The following KCNMA1 variants were observed in gnomAD, a reference collection of about 807,000 sequenced individuals.
The protein encoded by KCNMA1 is potassium calcium-activated channel subfamily M alpha 1, also known as Calcium-activated potassium channel subunit alpha-1.
KCNMA1 carries 29 observed loss-of-function variants against 140.0 expected under a neutral mutation model. The observed-to-expected ratio is 0.21, with a 90% CI of 0.15 to 0.28. The LOEUF is 0.28. Ranked by LOEUF, KCNMA1 falls within the 10% of genes least tolerant of loss-of-function variation. The pLI, the probability that KCNMA1 is intolerant of heterozygous loss-of-function variation, is 1.00. For missense variants in KCNMA1, 880 were observed against 1,602.2 expected (o/e 0.55, Z 7.70); for synonymous variants, 612 against 611.9 (o/e 1.00, Z 0.00).
chr10:77,169,228 T>A (rs1447070845), intron 5 of KCNMA1, among the ~76,000 whole-genome samples: 3 of 152,024 alleles, frequency 2.0e-5, no homozygotes, highest in Non-Finnish European at 4.4e-5. Context: ...ATGGAACATA[T>A]CTGAGATTGG....
chr10:77,207,277 T>A (rs969278035), intron 3 of KCNMA1, among the ~76,000 whole-genome samples: 2 of 152,172 alleles, frequency 1.3e-5, no homozygotes, highest in South Asian at 2.1e-4. Flanking sequence ...ATGACAAAAT[T>A]GTTCTGCATT....
chr10:77,210,196 C>T (rs1032870740), intron 3 of KCNMA1, among the ~76,000 whole-genome samples: 3 of 152,170 alleles, frequency 2.0e-5, no homozygotes, highest in African/African-American at 7.2e-5. Context: ...TCCAGTGGCA[C>T]ATCAAAAAGT....
rs566724121 is a variant in KCNMA1 at position 77,015,362 on chromosome 10, C to T, written c.2016-3319G>A. Among the ~76,000 whole-genome samples the T allele has an allele frequency of 1.2e-3, 186 of 152,228 alleles. 1 individual carries two copies. Among genetic ancestry groups the T allele is most frequent in the Admixed American group, 0.012 (178 of 15,288 alleles). On this transcript the variant is annotated intron_variant, in intron 17 of 27. Coordinates refer to ENST00000286628, the MANE Select transcript of KCNMA1 (RefSeq NM_001161352.2). ...CCTCCTTCCCCTTGACCCCACAGAT[C>T]TAGGGTGAAGGTGGCTTCCCCTTTC... is the stretch of plus-strand genomic sequence containing the variant.
chr10:77,174,215 G>A (rs1346354626), intron 5 of KCNMA1, among the ~76,000 whole-genome samples: 1 of 152,104 alleles, frequency 6.6e-6, no homozygotes, highest in Non-Finnish European at 1.5e-5. Context: ...TGGGTAGGGT[G>A]GTAGAGGGTT....
rs188883052 is a variant in KCNMA1, at chr10:77,367,880, T to C, written c.540+35982A>G. On this transcript the variant is annotated intron_variant, in intron 2 of 27. Coordinates refer to ENST00000286628, the MANE Select transcript of KCNMA1 (RefSeq NM_001161352.2). ...TCATCCAAGTTGTTGCTTTTATCAA[T>C]AGTTCATTCTTTTTTGCTACTGCAT... Among the ~76,000 whole-genome samples, 162 of 152,358 alleles carry C rather than the reference T, an allele frequency of 1.1e-3. 1 individual carries two copies. The highest frequency in any genetic ancestry group is 3.8e-3 in the African/African-American group (157 of 41,592).
At chr10:77,021,439 G>A (rs537118256) in intron 16 of KCNMA1, among the ~76,000 whole-genome samples, 2 of 152,266 alleles carry the variant, frequency 1.3e-5, no homozygotes, top group South Asian at 4.1e-4. Context: ...AAACTGAGAG[G>A]TAAAAAAATC....
chr10:77,462,871 C>T (rs1459414560), intron 1 of KCNMA1, among the ~76,000 whole-genome samples: 1 of 152,174 alleles, frequency 6.6e-6, no homozygotes, highest in Middle Eastern at 3.2e-3. Flanking sequence ...TACTCTCTCA[C>T]CCCATCCCAG....
At chr10:77,033,732 C>T (rs532836220) in intron 15 of KCNMA1, among the ~76,000 whole-genome samples, 4 of 152,250 alleles carry the variant, frequency 2.6e-5, no homozygotes, top group Non-Finnish European at 5.9e-5. Context: ...CTGGACCCAC[C>T]ACTGCCTCAG....
chr10:76,971,844 T>TA (rs1251048419), intron 19 of KCNMA1, among the ~76,000 whole-genome samples: 1 of 152,164 alleles, frequency 6.6e-6, no homozygotes, highest in Non-Finnish European at 1.5e-5. Context: ...AAAAATCACT[T>TA]AGAGTTGATA....
chr10:77,428,010 C>A lies in KCNMA1; in HGVS notation c.379-23987G>T, dbSNP rs923168948. Among the ~76,000 whole-genome samples the A allele has an allele frequency of 2.6e-5, 4 of 152,266 alleles. No homozygotes were observed. The South Asian group carries it at 8.3e-4, about 32-fold the overall frequency. On this transcript the variant is annotated intron_variant, in intron 1 of 27. Coordinates refer to ENST00000286628, the MANE Select transcript of KCNMA1 (RefSeq NM_001161352.2). ...TTGTAATCCACCTGCCTCGGCCTCC[C>A]AAAGTGCTGGGATTACAGGTGTGAG...
At chr10:77,025,998 A>AATATATATAT (rs34726010) in intron 16 of KCNMA1, among the ~76,000 whole-genome samples, 70 of 139,934 alleles carry the variant, frequency 5.0e-4, no homozygotes, top group African/African-American at 1.6e-3. Flanking sequence ...AGAAAAAAAA[A>AATATATATAT]ATATATATAT....
intron 1 of KCNMA1, among the ~76,000 whole-genome samples, chr10:77,574,399 T>A (rs1347878058): frequency 3.9e-5 from 6 of 152,128 alleles, no homozygotes; most frequent in Admixed American, 3.9e-4. Context: ...GTCTAAAAAA[T>A]TTAGGATTTA....
chr10:77,618,582 C>A (rs537032512), intron 1 of KCNMA1, among the ~76,000 whole-genome samples: 7 of 152,156 alleles, frequency 4.6e-5, no homozygotes, highest in Non-Finnish European at 5.9e-5. Flanking sequence ...GTGCTCATAG[C>A]TACTGGTTCT....
rs1457631132 is a variant in KCNMA1 at position 77,377,912 on chromosome 10, C to T, written c.540+25950G>A. ...GTGAGGCCAACCAGTTGCTTCACTCCGTGCCTGGCTCATAGTGAGACCTCA... is the reference window on the plus strand; with the variant it reads ...GTGAGGCCAACCAGTTGCTTCACTCTGTGCCTGGCTCATAGTGAGACCTCA... On this transcript the variant is annotated intron_variant, in intron 2 of 27. Coordinates refer to ENST00000286628, the MANE Select transcript of KCNMA1 (RefSeq NM_001161352.2). 3.3e-5 allele frequency among the ~76,000 whole-genome samples: 5 copies of T among 152,304 alleles called. No homozygotes were observed. In the South Asian group the frequency reaches 8.3e-4, roughly 25 times the overall value.
At chr10:76,989,363 A>G (rs2082128325) in intron 19 of KCNMA1, among the ~76,000 whole-genome samples, 1 of 152,130 alleles carries the variant, frequency 6.6e-6, no homozygotes, top group South Asian at 2.1e-4. Context: ...CTACACACAT[A>G]ATTGTTCCTC....
At position 77,161,405 on chromosome 10, in the gene KCNMA1, G is replaced by A. The variant is rs79661438; in HGVS notation, c.808+22016C>T. On this transcript the variant is annotated intron_variant, in intron 5 of 27. Coordinates refer to ENST00000286628, the MANE Select transcript of KCNMA1 (RefSeq NM_001161352.2). ...TAGGACTACAGGCATAAGCCACCAC[G>A]CCCAACTACTTTTTTTTTTTGTAGG... 1.2e-3 allele frequency among the ~76,000 whole-genome samples: 175 copies of A among 151,896 alleles called. 1 individual carries two copies. The East Asian group carries it at 0.027, about 23-fold the overall frequency.
At chr10:77,050,209 G>A (rs2095305702) in intron 14 of KCNMA1, among the ~76,000 whole-genome samples, 2 of 151,588 alleles carry the variant, frequency 1.3e-5, no homozygotes, top group Non-Finnish European at 2.9e-5. Context: ...CCCAGGGAAG[G>A]TGATATTTGG....
At chr10:77,067,504 GCA>G (rs1193009491) in intron 14 of KCNMA1, among the ~76,000 whole-genome samples, 1 of 152,102 alleles carries the variant, frequency 6.6e-6, no homozygotes, top group Non-Finnish European at 1.5e-5. Flanking sequence ...GCATGTGTGT[GCA>G]CACACACACA....
intron 2 of KCNMA1, among the ~76,000 whole-genome samples, chr10:77,256,488 A>G (rs1365160625): frequency 6.6e-6 from 1 of 152,222 alleles, no homozygotes; most frequent in Non-Finnish European, 1.5e-5. Flanking sequence ...AATTAAAGCC[A>G]TTAGGAGAAA....
Sources: allele counts gnomAD v4.1 joint callset (sites outside exome capture counted in the v4.1 genomes callset), GRCh38; gene constraint gnomAD v4.1.1; transcripts MANE v1.5; gene names NCBI Gene and HGNC (gene_info 2026-07-23, HGNC 2026-07-21).